The following SQSTM1 variants were observed in gnomAD, a reference collection of about 807,000 sequenced individuals.
The protein encoded by SQSTM1 is sequestosome-1.
In SQSTM1, 36 loss-of-function variants were observed where a neutral mutation model predicts 45.1. The ratio of observed to expected loss-of-function variants is 0.80; its 90% CI spans 0.61 to 1.05. The LOEUF (loss-of-function observed/expected upper bound fraction) is 1.05. Ranked by LOEUF, SQSTM1 falls within the 50% of genes least tolerant of loss-of-function variation. SQSTM1 has a pLI of 0.00. For synonymous variants in SQSTM1, 290 were observed against 244.3 expected (o/e 1.19, Z -1.74); for missense variants, 617 against 607.1 (o/e 1.02, Z -0.17).
Position 179,806,579 on chromosome 5 carries a change from C to T in SQSTM1, c.-169C>T. Reference sequence around the variant, plus strand: ...CGTCAGGAAGGTGCCATTGCGGAGCCTCATCTCCTCGGGTGCGCGGCGGGC... The same window carrying T: ...CGTCAGGAAGGTGCCATTGCGGAGCTTCATCTCCTCGGGTGCGCGGCGGGC... On this transcript the variant is annotated 5_prime_UTR_variant, in exon 1 of 6. Transcript: ENST00000514093. The surrounding 1 kb of genome is among the most constrained non-coding windows in gnomAD (Gnocchi z 4.6). 2 of 1,279,566 alleles carry T rather than the reference C, an allele frequency of 1.6e-6. No homozygotes were observed. Among genetic ancestry groups the T allele is most frequent in the Non-Finnish European group, 1.0e-6 (1 of 984,938 alleles). 79.3% of individuals were successfully genotyped at this position (1,279,566 alleles called of 1,614,324 possible).
intron 1 of SQSTM1, among the ~76,000 whole-genome samples, chr5:179,810,235 A>G (rs1157524435): frequency 6.6e-6 from 1 of 152,136 alleles, no homozygotes; most frequent in Non-Finnish European, 1.5e-5. Context: ...CATCATTTAC[A>G]TTAGATATAT....
At position 179,836,097 on chromosome 5, in the gene SQSTM1, T is replaced by A. The variant is rs980816302; in HGVS notation, c.1166-339T>A. 1.4e-5 allele frequency: 6 copies of A among 428,276 alleles called. 1 individual carries two copies. Among genetic ancestry groups the A allele is most frequent in the African/African-American group, 9.9e-5 (5 of 50,304 alleles). The allele number at this position is 428,276 out of a possible 1,614,324, so 26.5% of individuals were successfully genotyped here. A position where few individuals can be genotyped will look rare whatever the true frequency, so the allele number is the denominator to read the frequency against. On this transcript the variant is annotated intron_variant, in intron 7 of 7. Coordinates refer to ENST00000389805, the MANE Select transcript of SQSTM1 (RefSeq NM_003900.5). Reference sequence around the variant, plus strand: ...TCTATTTCAATGCCCCATCATCTCTTGCATGGAGGAGTGTAATAATTGGCT... The same window carrying A: ...TCTATTTCAATGCCCCATCATCTCTAGCATGGAGGAGTGTAATAATTGGCT...
chr5:179,832,914 T>C, intron 5 of SQSTM1, 118 bp from the exon 6 acceptor site: 1 of 1,040,742 alleles, frequency 9.6e-7, no homozygotes, highest in East Asian at 2.4e-5. Context: ...ACTTAGCTGC[T>C]TGTGGGGACT....
intron 1 of SQSTM1, among the ~76,000 whole-genome samples, chr5:179,809,229 G>T (rs1757317465): frequency 6.9e-6 from 1 of 145,126 alleles, no homozygotes; most frequent in Non-Finnish European, 1.5e-5. Flanking sequence ...CACCATCTCG[G>T]CTCACTGCAA....
At chr5:179,818,288 CG>C (rs1272631241), upstream of SQSTM1, among the ~76,000 whole-genome samples, 1 of 152,102 alleles carries the variant, frequency 6.6e-6, no homozygotes, top group East Asian at 1.9e-4. Flanking sequence ...TGGAGGCCCC[CG>C]CACAGACCAG....
chr5:179,817,024 C>G (rs928783378), upstream of SQSTM1, among the ~76,000 whole-genome samples: 7 of 151,872 alleles, frequency 4.6e-5, no homozygotes, highest in Non-Finnish European at 1.0e-4. Context: ...CCGGTGGCCC[C>G]GGGCAGGCCA....
At chr5:179,828,680 A>G (rs1048134978) in intron 5 of SQSTM1, among the ~76,000 whole-genome samples, 5 of 152,106 alleles carry the variant, frequency 3.3e-5, no homozygotes, top group South Asian at 4.1e-4. Context: ...GGCAGCTTCA[A>G]CCTTTTCATA....
Position 179,837,136 on chromosome 5 carries a change from T to C in SQSTM1, c.*543T>C, listed in dbSNP as rs1165934882. 3.9e-6 allele frequency: 5 copies of C among 1,289,522 alleles called. No individual in the cohort carries two copies. Among genetic ancestry groups the C allele is most frequent in the East Asian group, 2.5e-5 (1 of 39,768 alleles). 79.9% of individuals were successfully genotyped at this position (1,289,522 alleles called of 1,614,324 possible). On this transcript the variant is annotated 3_prime_UTR_variant, in exon 8 of 8. Coordinates refer to ENST00000389805, the MANE Select transcript of SQSTM1 (RefSeq NM_003900.5). Reference sequence around the variant, plus strand: ...TCACTGAGAGCTGCCTCCTGGTCTCTTCACCACTGTAGTTCTCTCATTTCC... The same window carrying C: ...TCACTGAGAGCTGCCTCCTGGTCTCCTCACCACTGTAGTTCTCTCATTTCC...
upstream of SQSTM1, among the ~76,000 whole-genome samples, chr5:179,818,493 T>C (rs991660245): frequency 6.6e-6 from 1 of 152,162 alleles, no homozygotes; most frequent in African/African-American, 2.4e-5. Context: ...ATAGGATTAT[T>C]TGGGAGGGGG....
intron 5 of SQSTM1, among the ~76,000 whole-genome samples, chr5:179,827,381 T>C (rs1582012672): frequency 6.6e-6 from 1 of 152,274 alleles, no homozygotes. Flanking sequence ...GGCTCCTGGG[T>C]TCACGCCATT....
At chr5:179,819,279 C>T (rs1158432190), upstream of SQSTM1, among the ~76,000 whole-genome samples, 1 of 152,182 alleles carries the variant, frequency 6.6e-6, no homozygotes, top group African/African-American at 2.4e-5. Flanking sequence ...GGTGTCCACC[C>T]CAGCTTCCCA....
In SQSTM1 at chr5:179,833,572, TGA is replaced by T; in HGVS notation, c.970-13_970-12del. ...GCGCGTGTCTCCTGTGTGCTCATGG[TGA>T]GTTTTGTTCCAGGAACAGATGGAGT... On this transcript the variant is annotated splice_polypyrimidine_tract_variant and intron_variant, in intron 6 of 7. Transcript: ENST00000389805. The T allele has an allele frequency of 6.2e-7, 1 of 1,613,218 alleles. No individual in the cohort carries two copies. Among genetic ancestry groups the T allele is most frequent in the Non-Finnish European group, 8.5e-7 (1 of 1,179,242 alleles).
Position 179,837,499 on chromosome 5 carries a change from C to T in SQSTM1, c.*906C>T, listed in dbSNP as rs796951435. 11 of 1,614,194 alleles carry T rather than the reference C, an allele frequency of 6.8e-6. No individual in the cohort carries two copies. In the African/African-American group the frequency reaches 1.3e-4, roughly 20 times the overall value. On this transcript the variant is annotated 3_prime_UTR_variant, in exon 8 of 8. Transcript: ENST00000389805. Reference sequence around the variant, plus strand: ...GGGGCCCACCCTCTGCCCAGGGAGTCCTTGCGTCCCATGAGGTCTTCCCGC... The same window carrying T: ...GGGGCCCACCCTCTGCCCAGGGAGTTCTTGCGTCCCATGAGGTCTTCCCGC...
At chr5:179,810,492 C>A (rs1757364573) in intron 1 of SQSTM1, among the ~76,000 whole-genome samples, 1 of 152,208 alleles carries the variant, frequency 6.6e-6, no homozygotes, top group Admixed American at 6.5e-5. Flanking sequence ...ATATGTGCCA[C>A]ATTTTCTTAA....
chr5:179,811,032 G>T (rs1025030143), intron 1 of SQSTM1, among the ~76,000 whole-genome samples: 3 of 152,158 alleles, frequency 2.0e-5, no homozygotes, highest in Non-Finnish European at 4.4e-5. Flanking sequence ...CACGAGGTCA[G>T]GAGACCGAGA....
In SQSTM1 at chr5:179,836,529, A is replaced by C. The variant is rs2113524408; in HGVS notation, c.1259A>C (p.Lys420Thr). 1 of 1,614,210 alleles carries C rather than the reference A, an allele frequency of 6.2e-7. No homozygotes were observed. Among genetic ancestry groups the C allele is most frequent in the East Asian group, 2.2e-5 (1 of 44,886 alleles). ...GGWLTRLLQT[K>T]NYDIGAALDT... ...TGGCTCACCAGGCTCCTGCAGACCA[A>C]GAACTATGACATCGGAGCGGCTCTG... Residue 420 changes from lysine (K) to threonine (T), a missense_variant, in exon 8 of 8, where the codon AAG (lysine) becomes ACG (threonine). Physicochemically the swap from Lys to Thr is moderately conservative, Grantham distance 78. Coordinates refer to ENST00000389805, the MANE Select transcript of SQSTM1 (RefSeq NM_003900.5).
chr5:179,833,054 G>T lies in SQSTM1; in HGVS notation c.777G>T (p.Val259=). 6.2e-7 allele frequency: 1 copy of T among 1,614,160 alleles called. No homozygotes were observed. Among genetic ancestry groups the T allele is most frequent in the East Asian group, 2.2e-5 (1 of 44,878 alleles). ...TAGGCATTGAAGTTGATATCGATGT[G>T]GAGCACGGAGGGAAAAGAAGCCGCC... ...SPLGIEVDID[V]EHGGKRSRLT... is the part of the protein sequence containing the mutation. The change falls in exon 6 of 8, where the codon GTG becomes GTT. Residue 259 remains valine, a synonymous_variant. Coordinates refer to ENST00000389805, the MANE Select transcript of SQSTM1 (RefSeq NM_003900.5).
At chr5:179,830,995 C>T (rs1015116656) in intron 5 of SQSTM1, among the ~76,000 whole-genome samples, 8 of 152,192 alleles carry the variant, frequency 5.3e-5, no homozygotes, top group Non-Finnish European at 1.0e-4. Context: ...AGTCACTGTG[C>T]CTGGTCCAGC....
chr5:179,837,873 G>A lies in SQSTM1; in HGVS notation c.*1280G>A. ...CTGCCTTGTTTCACCTTCCATGTCA[G>A]GCCAGCCTGTCCCTGAAAGAGAAGA... is the stretch of plus-strand genomic sequence containing the variant. On this transcript the variant is annotated 3_prime_UTR_variant, in exon 8 of 8. Coordinates refer to ENST00000389805, the MANE Select transcript of SQSTM1 (RefSeq NM_003900.5). 1.2e-6 allele frequency: 2 copies of A among 1,605,732 alleles called. No homozygotes were observed. Among genetic ancestry groups the A allele is most frequent in the South Asian group, 1.1e-5 (1 of 91,068 alleles).
Sources: allele counts gnomAD v4.1 joint callset (sites outside exome capture counted in the v4.1 genomes callset), GRCh38; gene constraint gnomAD v4.1.1; non-coding constraint Gnocchi (gnomAD v3.1); transcripts MANE v1.5; gene names NCBI Gene and HGNC (gene_info 2026-07-23, HGNC 2026-07-21).